The following HERC3 variants were observed in gnomAD, a reference collection of about 807,000 sequenced individuals.
The protein encoded by HERC3 is HECT and RLD domain containing E3 ubiquitin protein ligase 3, also known as probable E3 ubiquitin-protein ligase HERC3.
A neutral mutation model predicts 129.9 loss-of-function variants in HERC3; 58 were observed. The observed-to-expected ratio is 0.45, with a 90% CI of 0.36 to 0.56. The LOEUF is 0.56. HERC3 is among the 20% of genes least tolerant of loss of function. HERC3 has a pLI of 0.00. For missense variants in HERC3, 835 were observed against 1,244.2 expected (o/e 0.67, Z 4.95); for synonymous variants, 430 against 451.0 (o/e 0.95, Z 0.59).
chr4:88,575,478 G>A, the HERC3 span, among the ~76,000 whole-genome samples: 2 of 152,142 alleles, frequency 1.3e-5, no homozygotes, highest in Admixed American at 1.3e-4. Flanking sequence ...GAAGTCAGTG[G>A]TACAAGGCTG....
At chr4:88,527,599 G>A in the HERC3 span, 1 of 222,228 alleles carries the variant, frequency 4.5e-6, no homozygotes, top group Non-Finnish European at 8.9e-6. Flanking sequence ...TGCAGTTATG[G>A]GGATGTACCC....
At chr4:88,531,478 CA>C in the HERC3 span, among the ~76,000 whole-genome samples, 4 of 152,178 alleles carry the variant, frequency 2.6e-5, no homozygotes, top group Admixed American at 1.3e-4. Flanking sequence ...TCCAGATAAG[CA>C]ACTCCACATG....
chr4:88,579,736 TG>T, the HERC3 span, among the ~76,000 whole-genome samples: 1 of 152,192 alleles, frequency 6.6e-6, no homozygotes, highest in Non-Finnish European at 1.5e-5. Flanking sequence ...CCTGTGCATA[TG>T]TTTTTTTAAA....
chr4:88,552,570 A>G, the HERC3 span, among the ~76,000 whole-genome samples: 724 of 152,270 alleles, frequency 4.8e-3, 13 homozygotes, highest in African/African-American at 0.016. Context: ...TCTTTATCCA[A>G]TCCACAACTG....
At chr4:88,685,027 AT>A (rs1309159937) in intron 21 of HERC3, 1 of 152,252 alleles carries the variant, frequency 6.6e-6, no homozygotes, top group Admixed American at 6.5e-5. Context: ...AGAAATGCAA[AT>A]CAAAACCACA....
chr4:88,561,267 A>G, the HERC3 span, among the ~76,000 whole-genome samples: 25 of 152,286 alleles, frequency 1.6e-4, no homozygotes, highest in South Asian at 4.8e-3. Flanking sequence ...AATTTGTGAT[A>G]TTTGAGCCTT....
Position 88,706,910 on chromosome 4 carries a change from G to T in HERC3, c.3103G>T (p.Ala1035Ser), listed in dbSNP as rs1560790332. 1.2e-6 allele frequency: 2 copies of T among 1,614,048 alleles called. No individual in the cohort carries two copies. Among genetic ancestry groups the T allele is most frequent in the African/African-American group, 2.7e-5 (2 of 74,914 alleles). Reference sequence around the variant, plus strand: ...GTACAGCAGCAAAGAGATTCTGAGTGCCCGGCTGACCCAGGCCCTTGACAA... The same window carrying T: ...GTACAGCAGCAAAGAGATTCTGAGTTCCCGGCTGACCCAGGCCCTTGACAA... ...PKYSSKEILS[A>S]RLTQALDNYE... Residue 1035 changes from alanine to serine, a missense_variant, in exon 26 of 26, where the codon GCC (alanine) becomes TCC (serine). Transcript: ENST00000402738.
chr4:88,547,464 A>G, the HERC3 span, among the ~76,000 whole-genome samples: 3 of 152,162 alleles, frequency 2.0e-5, no homozygotes, highest in African/African-American at 4.8e-5. Context: ...GAACATTTTC[A>G]TTATCGCAGA....
chr4:88,600,050 C>A (rs1383945124), intron 2 of HERC3, among the ~76,000 whole-genome samples: 2 of 152,064 alleles, frequency 1.3e-5, no homozygotes, highest in Non-Finnish European at 2.9e-5. Flanking sequence ...AATGGCAGTA[C>A]CTGTCTCATA....
the HERC3 span, among the ~76,000 whole-genome samples, chr4:88,555,016 T>C: frequency 7.7e-6 from 1 of 130,312 alleles, no homozygotes; most frequent in Non-Finnish European, 1.6e-5. Context: ...GGCCGTGCAG[T>C]GGCTCATGCC....
the HERC3 span, among the ~76,000 whole-genome samples, chr4:88,556,858 T>G: frequency 6.6e-6 from 1 of 152,054 alleles, no homozygotes; most frequent in Non-Finnish European, 1.5e-5. Context: ...TTGCCCAGGC[T>G]GGTCTAGAAA....
intron 16 of HERC3, among the ~76,000 whole-genome samples, chr4:88,673,572 A>C (rs1731838383): frequency 1.3e-5 from 2 of 152,214 alleles, no homozygotes; most frequent in Non-Finnish European, 2.9e-5. Context: ...AGGAATGGAT[A>C]GTCCAAGACA....
intron 23 of HERC3, chr4:88,697,939 G>C (rs1235282457): frequency 2.7e-6 from 2 of 751,892 alleles, no homozygotes; most frequent in Admixed American, 3.0e-5. Context: ...GCTGACGGCC[G>C]TGTGCTCATA....
intron 23 of HERC3, among the ~76,000 whole-genome samples, chr4:88,698,131 C>T (rs1379202394): frequency 6.6e-6 from 1 of 152,124 alleles, no homozygotes; most frequent in Admixed American, 6.5e-5. Flanking sequence ...GACCATTTTC[C>T]GTGTGCTCCT....
At chr4:88,553,863 T>C in the HERC3 span, among the ~76,000 whole-genome samples, 1 of 152,150 alleles carries the variant, frequency 6.6e-6, no homozygotes, top group Non-Finnish European at 1.5e-5. Flanking sequence ...AAAGTTCACC[T>C]GTTCAAGAAC....
chr4:88,675,864 G>C (rs950240269), intron 16 of HERC3, among the ~76,000 whole-genome samples: 1 of 152,072 alleles, frequency 6.6e-6, no homozygotes, highest in Non-Finnish European at 1.5e-5. Context: ...AATTTGTATT[G>C]TCCACTTTAC....
chr4:88,539,754 T>C, the HERC3 span, among the ~76,000 whole-genome samples: 1 of 152,180 alleles, frequency 6.6e-6, no homozygotes, highest in Non-Finnish European at 1.5e-5. Flanking sequence ...TCTGCAATAT[T>C]TCCTGTTCTG....
intron 11 of HERC3, among the ~76,000 whole-genome samples, chr4:88,663,609 G>A (rs1376022908): frequency 6.6e-6 from 1 of 152,124 alleles, no homozygotes; most frequent in Non-Finnish European, 1.5e-5. Context: ...AAGGCCCAGG[G>A]TTCCTGATGT....
the HERC3 span, among the ~76,000 whole-genome samples, chr4:88,558,249 C>T: frequency 2.2e-3 from 328 of 152,206 alleles, 1 homozygote; most frequent in Non-Finnish European, 3.1e-3. Flanking sequence ...TGGAACCAAC[C>T]TAAGTGCCCC....
Sources: allele counts gnomAD v4.1 joint callset (sites outside exome capture counted in the v4.1 genomes callset), GRCh38; gene constraint gnomAD v4.1.1; transcripts MANE v1.5; gene names NCBI Gene and HGNC (gene_info 2026-07-23, HGNC 2026-07-21).